Variants in AGBL1 observed in about 807,000 individuals in gnomAD.
AGBL1 encodes AGBL carboxypeptidase 1.
In AGBL1, 130 loss-of-function variants were observed where a neutral mutation model predicts 118.9. That is an observed-to-expected ratio of 1.09 (90% CI 0.95 to 1.26). The LOEUF is 1.26. AGBL1 is among the 50% of genes most tolerant of loss of function. AGBL1 has a pLI of 0.00. For synonymous variants in AGBL1, 555 were observed against 478.9 expected (o/e 1.16, Z -2.08); for missense variants, 1,584 against 1,298.1 (o/e 1.22, Z -3.38).
intron 1 of AGBL1, among the ~76,000 whole-genome samples, chr15:86,102,706 TTTAGAA>T (rs1896809417): frequency 6.6e-6 from 1 of 152,222 alleles, no homozygotes; most frequent in Non-Finnish European, 1.5e-5. Context: ...TCTTGAGGTT[TTTAGAA>T]TTCTCTTTTT....
chr15:86,255,595 C>T (rs1043980697), intron 7 of AGBL1, among the ~76,000 whole-genome samples: 3 of 152,134 alleles, frequency 2.0e-5, no homozygotes, highest in Middle Eastern at 3.2e-3. Context: ...CAAGCCTAAC[C>T]AACATGGGGA....
At chr15:87,022,105 A>ACC (rs2081670753) in intron 24 of AGBL1, among the ~76,000 whole-genome samples, 1 of 152,108 alleles carries the variant, frequency 6.6e-6, no homozygotes. Flanking sequence ...GGAGAGTACT[A>ACC]CCTCAAGGGA....
At chr15:86,389,943 A>G (rs779288852) in intron 17 of AGBL1, among the ~76,000 whole-genome samples, 1 of 152,152 alleles carries the variant, frequency 6.6e-6, no homozygotes, top group Non-Finnish European at 1.5e-5. Context: ...TATCAAATGG[A>G]AATTTTGACT....
chr15:86,197,181 G>T (rs1230514791), intron 5 of AGBL1, among the ~76,000 whole-genome samples: 1 of 152,208 alleles, frequency 6.6e-6, no homozygotes, highest in African/African-American at 2.4e-5. Flanking sequence ...GTAATGGGTG[G>T]AGGCTGGAGG....
chr15:86,336,929 G>A (rs1396906523), intron 17 of AGBL1, among the ~76,000 whole-genome samples: 1 of 152,200 alleles, frequency 6.6e-6, no homozygotes, highest in Non-Finnish European at 1.5e-5. Flanking sequence ...TGTATTGATA[G>A]TCTTCTAGCA....
At chr15:86,490,262 G>A (rs1430506826) in intron 18 of AGBL1, among the ~76,000 whole-genome samples, 3 of 152,096 alleles carry the variant, frequency 2.0e-5, no homozygotes, top group African/African-American at 7.2e-5. Flanking sequence ...TCCCTGCAGT[G>A]TGTGCACGCT....
chr15:86,953,467 G>A (rs1031663799), intron 23 of AGBL1, among the ~76,000 whole-genome samples: 6 of 149,598 alleles, frequency 4.0e-5, no homozygotes, highest in South Asian at 2.1e-4. Flanking sequence ...ATTGGCTCAC[G>A]GCAACCTCTG....
intron 7 of AGBL1, among the ~76,000 whole-genome samples, chr15:86,250,525 C>CAAAAAAAA (rs60432449): frequency 1.3e-4 from 5 of 38,972 alleles, no homozygotes; most frequent in African/African-American, 3.8e-4. Context: ...GACTCTGTCT[C>CAAAAAAAA]AAAAAAAAAA....
chr15:86,442,481 C>A (rs1490975387), intron 18 of AGBL1, among the ~76,000 whole-genome samples: 4 of 152,142 alleles, frequency 2.6e-5, no homozygotes, highest in Non-Finnish European at 5.9e-5. Flanking sequence ...AATGTCAACC[C>A]CGGAGCCTGA....
chr15:86,134,976 C>T (rs1184268554), intron 1 of AGBL1, among the ~76,000 whole-genome samples: 1 of 151,792 alleles, frequency 6.6e-6, no homozygotes, highest in Non-Finnish European at 1.5e-5. Flanking sequence ...TTTGTTTGCC[C>T]CTACCAAGTC....
chr15:86,319,619 C>T (rs61400498), intron 17 of AGBL1, among the ~76,000 whole-genome samples: 5 of 151,494 alleles, frequency 3.3e-5, no homozygotes, highest in Non-Finnish European at 5.9e-5. Flanking sequence ...TATTTTAGTT[C>T]TGATTTGTGT....
At chr15:86,643,984 G>A (rs2085232949) in intron 21 of AGBL1, among the ~76,000 whole-genome samples, 1 of 151,794 alleles carries the variant, frequency 6.6e-6, no homozygotes, top group South Asian at 2.1e-4. Context: ...GTCTAATTTG[G>A]GTGACTTATT....
At chr15:86,497,700 A>G (rs557680080) in intron 18 of AGBL1, among the ~76,000 whole-genome samples, 6 of 151,896 alleles carry the variant, frequency 4.0e-5, no homozygotes, top group African/African-American at 1.4e-4. Context: ...TCGGGATCTG[A>G]TTGTTCCTAA....
At position 86,283,433 on chromosome 15, in the gene AGBL1, C is replaced by T. The variant is rs536116422; in HGVS notation, c.2220+3650C>T. On this transcript the variant is annotated intron_variant, in intron 16 of 22. Transcript: ENST00000614907. Reference sequence around the variant, plus strand: ...AGAATTTTTACCAGACACATATACCCACTGTGAAAGATGTGAATACTGTTA... The same window carrying T: ...AGAATTTTTACCAGACACATATACCTACTGTGAAAGATGTGAATACTGTTA... 3.4e-4 allele frequency among the ~76,000 whole-genome samples: 51 copies of T among 150,566 alleles called. No individual in the cohort carries two copies. The South Asian group carries it at 0.01, about 30-fold the overall frequency.
intron 21 of AGBL1, among the ~76,000 whole-genome samples, chr15:86,579,333 T>C (rs918143993): frequency 1.3e-5 from 2 of 152,238 alleles, no homozygotes; most frequent in African/African-American, 4.8e-5. Flanking sequence ...AAGGCATCAC[T>C]GAACTGCAAG....
chr15:86,942,528 C>A (rs187047498), intron 23 of AGBL1, among the ~76,000 whole-genome samples: 1 of 152,256 alleles, frequency 6.6e-6, no homozygotes, highest in Admixed American at 6.5e-5. Context: ...TTCCAGGAAC[C>A]AGCAACCACA....
At chr15:86,227,308 C>A (rs556640251) in intron 6 of AGBL1, among the ~76,000 whole-genome samples, 1 of 152,366 alleles carries the variant, frequency 6.6e-6, no homozygotes, top group African/African-American at 2.4e-5. Context: ...GCTGAGCTGT[C>A]TATACATCTT....
chr15:86,098,405 T>C (rs1398633814), intron 1 of AGBL1, among the ~76,000 whole-genome samples: 1 of 152,154 alleles, frequency 6.6e-6, no homozygotes. Flanking sequence ...TGTCCTAAAG[T>C]GTCTCCCCTA....
At chr15:86,309,980 T>A (rs1173299074) in intron 17 of AGBL1, among the ~76,000 whole-genome samples, 2 of 152,220 alleles carry the variant, frequency 1.3e-5, no homozygotes, top group Non-Finnish European at 2.9e-5. Context: ...TCTTCAATTT[T>A]TTGGGAGAGT....
Sources: allele counts gnomAD v4.1 joint callset (sites outside exome capture counted in the v4.1 genomes callset), GRCh38; gene constraint gnomAD v4.1.1; transcripts MANE v1.5; gene names NCBI Gene and HGNC (gene_info 2026-07-23, HGNC 2026-07-21).